The following CDH18 variants were observed in gnomAD, a reference collection of about 807,000 sequenced individuals.
The protein encoded by CDH18 is cadherin 18, also known as cadherin-18.
A neutral mutation model predicts 67.9 loss-of-function variants in CDH18; 31 were observed. The ratio of observed to expected loss-of-function variants is 0.46; its 90% CI spans 0.34 to 0.62. The LOEUF is 0.62. Among genes scored for constraint, CDH18 ranks in the 20% least tolerant of loss-of-function variants. The pLI is 0.01. For missense variants in CDH18, 890 were observed against 975.5 expected, an observed-to-expected ratio of 0.91 and a Z score of 1.17; for synonymous variants, 362 against 347.2, an observed-to-expected ratio of 1.04 and a Z score of -0.48.
intron 1 of CDH18, among the ~76,000 whole-genome samples, chr5:20,434,881 A>G (rs1749052142): frequency 6.6e-6 from 1 of 152,086 alleles, no homozygotes; most frequent in Admixed American, 6.6e-5. Context: ...CCCTACTGAC[A>G]ACTACAAGTA....
intron 2 of CDH18, among the ~76,000 whole-genome samples, chr5:20,084,566 A>G (rs1473001003): frequency 1.3e-5 from 2 of 152,120 alleles, no homozygotes; most frequent in Admixed American, 6.5e-5. Context: ...CTGACCCCAC[A>G]TTTCCCTTCT....
At chr5:20,166,309 C>T (rs560283473) in intron 2 of CDH18, among the ~76,000 whole-genome samples, 272 of 151,422 alleles carry the variant, frequency 1.8e-3, no homozygotes, top group African/African-American at 6.3e-3. Context: ...GGCTTGATGG[C>T]GGGCACCTGT....
chr5:19,564,545 C>T (rs899306012), intron 8 of CDH18, among the ~76,000 whole-genome samples: 1 of 152,106 alleles, frequency 6.6e-6, no homozygotes, highest in African/African-American at 2.4e-5. Context: ...ATCCCTTGGA[C>T]CTTGAGTAAG....
intron 5 of CDH18, among the ~76,000 whole-genome samples, chr5:19,714,643 T>A (rs1370214333): frequency 1.3e-5 from 2 of 152,096 alleles, no homozygotes; most frequent in Non-Finnish European, 2.9e-5. Context: ...AAATAATTAT[T>A]TTTAAATGTT....
chr5:20,324,450 A>G (rs1580752975), intron 1 of CDH18, among the ~76,000 whole-genome samples: 1 of 152,158 alleles, frequency 6.6e-6, no homozygotes, highest in South Asian at 2.1e-4. Context: ...CTGAGGCAGG[A>G]GAATGGCAGG....
intron 11 of CDH18, among the ~76,000 whole-genome samples, chr5:19,490,576 A>G (rs1205152035): frequency 1.3e-5 from 2 of 151,248 alleles, no homozygotes; most frequent in Admixed American, 1.3e-4. Context: ...CACCACACCC[A>G]GCTAATTTTT....
chr5:20,126,026 A>G (rs1748790427), intron 2 of CDH18, among the ~76,000 whole-genome samples: 2 of 152,232 alleles, frequency 1.3e-5, no homozygotes. Context: ...AGAAAGATGA[A>G]CAAAACTGGA....
intron 1 of CDH18, among the ~76,000 whole-genome samples, chr5:20,416,255 TAGAA>T (rs1747300977): frequency 6.6e-6 from 1 of 152,252 alleles, no homozygotes; most frequent in East Asian, 1.9e-4. Flanking sequence ...AAGGTCATCA[TAGAA>T]AGTAAATTCA....
intron 2 of CDH18, among the ~76,000 whole-genome samples, chr5:20,019,174 C>T (rs1356506281): frequency 6.6e-6 from 1 of 152,076 alleles, no homozygotes; most frequent in Non-Finnish European, 1.5e-5. Context: ...CATGAAATCA[C>T]TACAAAAGGA....
chr5:20,296,946 T>G (rs1747586190), intron 1 of CDH18, among the ~76,000 whole-genome samples: 1 of 151,838 alleles, frequency 6.6e-6, no homozygotes, highest in Non-Finnish European at 1.5e-5. Flanking sequence ...GTTACATAAA[T>G]AAGTACTTAA....
chr5:20,260,369 A>T (rs1744555933), intron 1 of CDH18, among the ~76,000 whole-genome samples: 1 of 152,018 alleles, frequency 6.6e-6, no homozygotes, highest in Admixed American at 6.5e-5. Flanking sequence ...GTGCAACTTC[A>T]CAGTAGAGAA....
chr5:19,738,931 T>C (rs1230904856), intron 4 of CDH18, among the ~76,000 whole-genome samples: 1 of 152,112 alleles, frequency 6.6e-6, no homozygotes, highest in Non-Finnish European at 1.5e-5. Context: ...ATGGAAAGAC[T>C]GAGGAATCAC....
intron 2 of CDH18, among the ~76,000 whole-genome samples, chr5:20,195,852 T>C (rs1580452913): frequency 6.6e-6 from 1 of 152,252 alleles, no homozygotes; most frequent in African/African-American, 2.4e-5. Flanking sequence ...ATTGAGACAC[T>C]TTTACTTAAT....
At chr5:19,683,832 T>C (rs1760678147) in intron 5 of CDH18, among the ~76,000 whole-genome samples, 1 of 152,010 alleles carries the variant, frequency 6.6e-6, no homozygotes, top group South Asian at 2.1e-4. Flanking sequence ...TTCCTCTCTA[T>C]ATATATTGTT....
chr5:19,473,745 A>C, intron 12 of CDH18, 29 bp from the exon 13 acceptor site: 3 of 1,527,552 alleles, frequency 2.0e-6, no homozygotes, highest in Non-Finnish European at 2.6e-6. Context: ...AGGATGAAGA[A>C]TTAAGAAAAC....
chr5:19,512,874 T>C (rs1464509800), intron 10 of CDH18, among the ~76,000 whole-genome samples: 1 of 152,104 alleles, frequency 6.6e-6, no homozygotes, highest in African/African-American at 2.4e-5. Context: ...ATTCCACTTA[T>C]ACCTTTTGAT....
intron 3 of CDH18, among the ~76,000 whole-genome samples, chr5:19,756,234 T>TA (rs921984641): frequency 6.6e-6 from 1 of 152,158 alleles, no homozygotes; most frequent in Non-Finnish European, 1.5e-5. Context: ...TGTCATATGA[T>TA]AAAGGAAATA....
intron 1 of CDH18, among the ~76,000 whole-genome samples, chr5:20,443,267 T>C: frequency 7.0e-6 from 1 of 142,890 alleles, no homozygotes; most frequent in Non-Finnish European, 1.5e-5. Context: ...CTAAGAAAGC[T>C]AAGGGAAAAA....
intron 2 of CDH18, chr5:19,878,091 C>G (rs1190925865): frequency 6.6e-6 from 1 of 151,922 alleles, no homozygotes; most frequent in Non-Finnish European, 1.5e-5. Flanking sequence ...TTTTGAAAAC[C>G]TAGGTGGATA....
Sources: allele counts gnomAD v4.1 joint callset (sites outside exome capture counted in the v4.1 genomes callset), GRCh38; gene constraint gnomAD v4.1.1; transcripts MANE v1.5; gene names NCBI Gene and HGNC (gene_info 2026-07-23, HGNC 2026-07-21).